The following DOCK8 variants were observed in gnomAD, a reference collection of about 807,000 sequenced individuals.
The protein encoded by DOCK8 is dedicator of cytokinesis protein 8.
In DOCK8, 141 loss-of-function variants were observed where a neutral mutation model predicts 245.6. The observed-to-expected ratio is 0.57, with a 90% confidence interval of 0.50 to 0.66. The LOEUF is 0.66. DOCK8 is among the 30% of genes least tolerant of loss of function. The pLI, the probability that DOCK8 is intolerant of heterozygous loss-of-function variation, is 0.00. For synonymous variants in DOCK8, 1,168 were observed against 970.2 expected (o/e 1.20, Z -3.79); for missense variants, 2,965 against 2,603.4 (o/e 1.14, Z -3.02).
intron 2 of DOCK8, among the ~76,000 whole-genome samples, chr9:273,877 T>G (rs1304587638): frequency 6.6e-6 from 1 of 152,106 alleles, no homozygotes; most frequent in African/African-American, 2.4e-5. Flanking sequence ...TGGCTAATTT[T>G]GTATTTTGAG....
intron 1 of DOCK8, among the ~76,000 whole-genome samples, chr9:245,197 T>C (rs2047479819): frequency 6.6e-6 from 1 of 152,124 alleles, no homozygotes; most frequent in African/African-American, 2.4e-5. Context: ...TTTTCTTTTA[T>C]TTATTTATTC....
At chr9:312,812 A>C (rs1336061078) in intron 6 of DOCK8, 1 of 303,372 alleles carries the variant, frequency 3.3e-6, no homozygotes, top group Non-Finnish European at 6.3e-6. Flanking sequence ...TGTCTGTTTG[A>C]ACTCCTTATA....
chr9:304,785 T>A (rs1256468649), intron 5 of DOCK8, 81 bp downstream of exon 5: 1 of 1,597,080 alleles, frequency 6.3e-7, no homozygotes, highest in East Asian at 2.2e-5. Context: ...CAAACTAGAA[T>A]AAACGATAGA....
intron 28 of DOCK8, among the ~76,000 whole-genome samples, chr9:412,605 T>G (rs1416408792): frequency 1.3e-5 from 2 of 152,088 alleles, no homozygotes; most frequent in African/African-American, 4.8e-5. Context: ...TCAATTGTGT[T>G]TCTATACACT....
At chr9:416,732 C>G (rs1158571240) in intron 29 of DOCK8, among the ~76,000 whole-genome samples, 1 of 152,192 alleles carries the variant, frequency 6.6e-6, no homozygotes, top group Non-Finnish European at 1.5e-5. Context: ...TTCCTTTCCT[C>G]TGTAAACTAT....
intron 1 of DOCK8, among the ~76,000 whole-genome samples, chr9:243,693 G>GCA (rs2047432733): frequency 6.6e-6 from 1 of 152,016 alleles, no homozygotes; most frequent in Non-Finnish European, 1.5e-5. Context: ...AGCCTCAAGT[G>GCA]GTTCCAGATA....
intron 29 of DOCK8, among the ~76,000 whole-genome samples, chr9:415,692 G>GCACACACGCACACACGCACACACA (rs1554699022): frequency 0.017 from 2,637 of 151,042 alleles, 59 homozygotes; most frequent in African/African-American, 0.05. Flanking sequence ...GTGCGCGCGT[G>GCACACACGCACACACGCACACACA]CACACACACA....
intron 44 of DOCK8, among the ~76,000 whole-genome samples, chr9:447,161 G>C (rs1220624002): frequency 6.6e-6 from 1 of 151,996 alleles, no homozygotes; most frequent in Non-Finnish European, 1.5e-5. Flanking sequence ...TGCATTAGCA[G>C]GAAAGACCTC....
At chr9:432,887 A>G (rs1437146847) in intron 37 of DOCK8, among the ~76,000 whole-genome samples, 2 of 152,252 alleles carry the variant, frequency 1.3e-5, no homozygotes, top group Non-Finnish European at 2.9e-5. Context: ...GTGTAAGGAC[A>G]GTCATCTCTT....
chr9:351,106 A>G (rs1407153742), intron 14 of DOCK8, among the ~76,000 whole-genome samples: 1 of 152,068 alleles, frequency 6.6e-6, no homozygotes, highest in Middle Eastern at 3.2e-3. Flanking sequence ...CGACATCCCT[A>G]ATTTCTCTGG....
intron 4 of DOCK8, among the ~76,000 whole-genome samples, chr9:293,916 G>T (rs2049149194): frequency 6.6e-6 from 1 of 152,190 alleles, no homozygotes; most frequent in Admixed American, 6.5e-5. Context: ...TTAAGGAAAA[G>T]GCAAATCTCA....
At chr9:243,865 A>G (rs557847991) in intron 1 of DOCK8, among the ~76,000 whole-genome samples, 4 of 151,048 alleles carry the variant, frequency 2.6e-5, no homozygotes, top group African/African-American at 7.3e-5. Flanking sequence ...GGTGCCTACT[A>G]CTCCTCATCT....
At chr9:282,154 C>T (rs2048615449) in intron 2 of DOCK8, among the ~76,000 whole-genome samples, 5 of 152,178 alleles carry the variant, frequency 3.3e-5, no homozygotes, top group Admixed American at 2.0e-4. Flanking sequence ...GCACATTTCA[C>T]CACCTCATGG....
chr9:436,150 A>G (rs1311768907), intron 39 of DOCK8, among the ~76,000 whole-genome samples: 1 of 152,252 alleles, frequency 6.6e-6, no homozygotes, highest in Non-Finnish European at 1.5e-5. Context: ...AGAACACAGC[A>G]AAGCTGGGTA....
At chr9:282,661 A>G (rs969602224) in intron 2 of DOCK8, among the ~76,000 whole-genome samples, 8 of 152,014 alleles carry the variant, frequency 5.3e-5, no homozygotes, top group African/African-American at 1.7e-4. Context: ...TGGCTCAAGC[A>G]ATCCTCCTGC....
intron 2 of DOCK8, among the ~76,000 whole-genome samples, chr9:281,541 A>C (rs1243875864): frequency 6.6e-6 from 1 of 152,164 alleles, no homozygotes; most frequent in East Asian, 1.9e-4. Context: ...CCCTGTTTCT[A>C]AACTGCATCC....
At chr9:404,130 C>T (rs2055306444) in intron 26 of DOCK8, among the ~76,000 whole-genome samples, 1 of 151,384 alleles carries the variant, frequency 6.6e-6, no homozygotes, top group Non-Finnish European at 1.5e-5. Flanking sequence ...TTGAGGAGCT[C>T]AAGGTGCATC....
At chr9:334,409 A>G (rs768917066) in intron 11 of DOCK8, 25 bp downstream of exon 11, 1 of 1,609,548 alleles carries the variant, frequency 6.2e-7, no homozygotes, top group Non-Finnish European at 8.5e-7. Flanking sequence ...TGCAGTGGGA[A>G]AGGGAGGGCT....
intron 14 of DOCK8, among the ~76,000 whole-genome samples, chr9:357,782 G>A (rs554554799): frequency 7.9e-4 from 121 of 152,254 alleles, no homozygotes; most frequent in Middle Eastern, 3.4e-3. Context: ...CATTTCCCAG[G>A]GCAGACAGCC....
Sources: gnomAD v4.1 joint callset for allele counts (sites outside exome capture counted in the v4.1 genomes callset) on GRCh38, gnomAD v4.1.1 for gene constraint, MANE v1.5 for transcripts, NCBI Gene and HGNC (gene_info 2026-07-23, HGNC 2026-07-21) for gene names.